The following JAM2 variants were observed in gnomAD, a reference collection of about 807,000 sequenced individuals.
JAM2 encodes the protein junctional adhesion molecule B.
In JAM2, 17 loss-of-function variants were observed where a neutral mutation model predicts 42.0. The ratio of observed to expected loss-of-function variants is 0.40; its 90% confidence interval spans 0.28 to 0.61. The LOEUF (loss-of-function observed/expected upper bound fraction) is 0.61. Among genes scored for constraint, JAM2 ranks in the 20% least tolerant of loss-of-function variants. JAM2 has a pLI of 0.37. For missense variants in JAM2, 319 were observed against 358.3 expected (o/e 0.89, Z 0.89); for synonymous variants, 118 against 128.6 (o/e 0.92, Z 0.56).
intron 1 of JAM2, among the ~76,000 whole-genome samples, chr21:25,657,480 T>G (rs2032970875): frequency 6.6e-6 from 1 of 152,354 alleles, no homozygotes; most frequent in South Asian, 2.1e-4. Flanking sequence ...GGTACATTAT[T>G]GAATTCATAA....
intron 1 of JAM2, among the ~76,000 whole-genome samples, chr21:25,656,843 A>G (rs2032952289): frequency 6.6e-6 from 1 of 152,212 alleles, no homozygotes; most frequent in Non-Finnish European, 1.5e-5. Context: ...TTGTACAATT[A>G]TATATATGTT....
At chr21:25,671,188 T>G (rs2033351469) in intron 1 of JAM2, among the ~76,000 whole-genome samples, 1 of 152,216 alleles carries the variant, frequency 6.6e-6, no homozygotes, top group Non-Finnish European at 1.5e-5. Flanking sequence ...AGACCATTTC[T>G]TTCTCCCAGC....
At chr21:25,664,084 A>G (rs943637322) in intron 1 of JAM2, among the ~76,000 whole-genome samples, 15 of 152,202 alleles carry the variant, frequency 9.9e-5, no homozygotes, top group Non-Finnish European at 1.8e-4. Flanking sequence ...TGAAACAGTG[A>G]CATATATTTA....
intron 1 of JAM2, among the ~76,000 whole-genome samples, chr21:25,640,982 C>T (rs1302443985): frequency 2.0e-5 from 3 of 152,180 alleles, no homozygotes; most frequent in Non-Finnish European, 1.5e-5. Context: ...AAGTGATCAT[C>T]GCACAGCTCA....
In JAM2 at chr21:25,702,821, G is replaced by C. The variant is rs890320131; in HGVS notation, c.697+552G>C. Among the ~76,000 whole-genome samples, 4 of 151,914 alleles carry C rather than the reference G, an allele frequency of 2.6e-5. No homozygotes were observed. In the East Asian group the frequency reaches 7.7e-4, roughly 29 times the overall value. On this transcript the variant is annotated intron_variant, in intron 6 of 9. Coordinates refer to ENST00000480456, the MANE Select transcript of JAM2 (RefSeq NM_021219.4). ...TTCTTTGTTTCCTTTATTCACATACGTCCCCATGGGTTTTTTTTGTTGTTG... is the reference window on the plus strand; with the variant it reads ...TTCTTTGTTTCCTTTATTCACATACCTCCCCATGGGTTTTTTTTGTTGTTG...
At chr21:25,711,349 T>C (rs2034379768) in intron 8 of JAM2, 4 of 448,564 alleles carry the variant, frequency 8.9e-6, no homozygotes, top group Admixed American at 7.5e-5. Flanking sequence ...TTTATGACTG[T>C]CCTTCTTGTA....
At chr21:25,679,932 C>T (rs1193505924) in intron 1 of JAM2, among the ~76,000 whole-genome samples, 1 of 152,192 alleles carries the variant, frequency 6.6e-6, no homozygotes, top group Non-Finnish European at 1.5e-5. Context: ...AATGCCACCG[C>T]TTACTTCTTC....
At chr21:25,695,471 G>A (rs1016385512) in intron 4 of JAM2, among the ~76,000 whole-genome samples, 3 of 152,154 alleles carry the variant, frequency 2.0e-5, no homozygotes, top group Non-Finnish European at 2.9e-5. Flanking sequence ...ATCATGGCCC[G>A]TTCTCAATGA....
At chr21:25,694,866 T>C (rs1194642072) in intron 4 of JAM2, among the ~76,000 whole-genome samples, 1 of 150,794 alleles carries the variant, frequency 6.6e-6, no homozygotes, top group Non-Finnish European at 1.5e-5. Context: ...GAATCACTGA[T>C]AGTAACAGCT....
intron 1 of JAM2, among the ~76,000 whole-genome samples, chr21:25,664,844 C>A (rs1050342686): frequency 6.6e-6 from 1 of 152,184 alleles, no homozygotes; most frequent in Non-Finnish European, 1.5e-5. Context: ...AACTTGTTAA[C>A]CCAGTCTTTC....
At chr21:25,681,954 C>A in intron 1 of JAM2, among the ~76,000 whole-genome samples, 1 of 152,182 alleles carries the variant, frequency 6.6e-6, no homozygotes. Context: ...TGCACTCCAG[C>A]CTGGGTGACA....
In JAM2 at chr21:25,678,306, G is replaced by T. The variant is rs138825239; in HGVS notation, c.68-5577G>T. On this transcript the variant is annotated intron_variant, in intron 1 of 9. Transcript: ENST00000480456. ...CCCGTCTTCCCTACCTCACTGAAGA[G>T]GATTCTGGCTTGGTCTCCTGTCTCA... Among the ~76,000 whole-genome samples the T allele has an allele frequency of 3.8e-3, 579 of 152,268 alleles. 4 individuals are homozygous for T. Among genetic ancestry groups the T allele is most frequent in the African/African-American group, 0.013 (551 of 41,550 alleles).
intron 7 of JAM2, 85 bp from the exon 8 acceptor site, chr21:25,709,349 A>T: frequency 1.4e-6 from 1 of 739,440 alleles, no homozygotes; most frequent in Non-Finnish European, 2.2e-6. Context: ...AATAAAAATA[A>T]ATTAAACCCA....
At chr21:25,702,097 G>C in intron 5 of JAM2, 73 bp from the exon 6 acceptor site, 1 of 698,304 alleles carries the variant, frequency 1.4e-6, no homozygotes, top group Non-Finnish European at 2.3e-6. Flanking sequence ...TAAAATTTGA[G>C]GGACAGGGTT....
chr21:25,680,769 T>C (rs2123363699), intron 1 of JAM2, among the ~76,000 whole-genome samples: 1 of 104,028 alleles, frequency 9.6e-6, no homozygotes, highest in Non-Finnish European at 2.1e-5. Context: ...AAGCAGTTTC[T>C]GGATGGATGG....
At chr21:25,643,317 C>T (rs922054740) in intron 1 of JAM2, among the ~76,000 whole-genome samples, 3 of 152,080 alleles carry the variant, frequency 2.0e-5, no homozygotes, top group Non-Finnish European at 4.4e-5. Context: ...TGTTGTCATG[C>T]CTTTTGGGGT....
At position 25,639,594 on chromosome 21, in the gene JAM2, G is replaced by A. The variant is rs1287729862; in HGVS notation, c.-228G>A. On this transcript the variant is annotated 5_prime_UTR_variant, in exon 1 of 10. Transcript: ENST00000480456. ...CCCCTACCCCCACACCCCCAAAACAGAACAGACCCCCATCCCTGGGCTGGA... is the reference window on the plus strand; with the variant it reads ...CCCCTACCCCCACACCCCCAAAACAAAACAGACCCCCATCCCTGGGCTGGA... The A allele has an allele frequency of 8.1e-6, 4 of 496,300 alleles. No homozygotes were observed. Among genetic ancestry groups the A allele is most frequent in the African/African-American group, 2.0e-5 (1 of 49,052 alleles). 30.7% of individuals were successfully genotyped at this position (496,300 alleles called of 1,614,324 possible).
intron 1 of JAM2, among the ~76,000 whole-genome samples, chr21:25,643,024 C>T (rs992162988): frequency 6.6e-6 from 1 of 152,190 alleles, no homozygotes; most frequent in Non-Finnish European, 1.5e-5. Flanking sequence ...TTTGTAAGCG[C>T]ACTGTTGTCA....
At chr21:25,654,080 AT>A (rs1210283316) in intron 1 of JAM2, among the ~76,000 whole-genome samples, 2 of 152,226 alleles carry the variant, frequency 1.3e-5, no homozygotes, top group East Asian at 3.8e-4. Flanking sequence ...ATAAATACTT[AT>A]CTTTATTCTG....
Sources: gnomAD v4.1 joint callset for allele counts (sites outside exome capture counted in the v4.1 genomes callset) on GRCh38, gnomAD v4.1.1 for gene constraint, MANE v1.5 for transcripts, NCBI Gene and HGNC (gene_info 2026-07-23, HGNC 2026-07-21) for gene names.